ARK2C: variants seen among roughly 807,000 people sequenced by gnomAD.
ARK2C encodes the protein E3 ubiquitin-protein ligase ARK2C.
At chr18:46,404,738 G>A in the ARK2C span, among the ~76,000 whole-genome samples, 1 of 151,854 alleles carries the variant, frequency 6.6e-6, no homozygotes, top group Non-Finnish European at 1.5e-5. Context: ...GGGGCACAGA[G>A]CGAGACTCCA....
the ARK2C span, chr18:46,456,552 G>C: frequency 5.0e-6 from 8 of 1,614,054 alleles, 1 homozygote; most frequent in South Asian, 5.5e-5. Flanking sequence ...TTCACCAACT[G>C]TGCGTGGACC....
chr18:46,412,230 A>T, the ARK2C span, among the ~76,000 whole-genome samples: 36 of 152,318 alleles, frequency 2.4e-4, no homozygotes, highest in African/African-American at 6.3e-4. Context: ...TGCCATGATC[A>T]TATGTCCCAG....
the ARK2C span, among the ~76,000 whole-genome samples, chr18:46,380,716 C>T: frequency 6.6e-6 from 1 of 152,188 alleles, no homozygotes; most frequent in Admixed American, 6.5e-5. Flanking sequence ...GAGCCTCGAA[C>T]CCAGCCTGTG....
At chr18:46,381,157 C>T in the ARK2C span, among the ~76,000 whole-genome samples, 3 of 152,334 alleles carry the variant, frequency 2.0e-5, no homozygotes, top group East Asian at 1.9e-4. Flanking sequence ...TGTTCTGAAG[C>T]GAGGAGGCAT....
At chr18:46,435,434 G>A in the ARK2C span, 3 of 1,496,408 alleles carry the variant, frequency 2.0e-6, no homozygotes, top group African/African-American at 2.7e-5. Flanking sequence ...AAGGGAGGAA[G>A]GGAGGGAGGA....
At chr18:46,348,236 G>T in the ARK2C span, among the ~76,000 whole-genome samples, 1 of 151,280 alleles carries the variant, frequency 6.6e-6, no homozygotes, top group Admixed American at 6.6e-5. Context: ...GGCTGGGGGG[G>T]GTGAGGGGAG....
chr18:46,360,838 G>T, the ARK2C span, among the ~76,000 whole-genome samples: 1 of 152,218 alleles, frequency 6.6e-6, no homozygotes, highest in Non-Finnish European at 1.5e-5. Flanking sequence ...ACACTGTTCA[G>T]CCTTGGGGTG....
the ARK2C span, among the ~76,000 whole-genome samples, chr18:46,375,994 T>A: frequency 1.3e-5 from 2 of 152,188 alleles, no homozygotes; most frequent in African/African-American, 4.8e-5. Flanking sequence ...TGGATGATAA[T>A]AGCTCAGAGG....
At chr18:46,432,885 C>T in the ARK2C span, among the ~76,000 whole-genome samples, 158 of 152,294 alleles carry the variant, frequency 1.0e-3, 1 homozygote, top group South Asian at 2.1e-3. Flanking sequence ...GCGGAGCTTG[C>T]AGTGAGCCGA....
chr18:46,351,437 C>A, the ARK2C span, among the ~76,000 whole-genome samples: 1 of 152,096 alleles, frequency 6.6e-6, no homozygotes, highest in Non-Finnish European at 1.5e-5. Flanking sequence ...AAATAATAGA[C>A]CTGGAGCAAA....
At chr18:46,433,474 G>A in the ARK2C span, 1 of 1,611,748 alleles carries the variant, frequency 6.2e-7, no homozygotes, top group African/African-American at 1.3e-5. Context: ...GCTCCTGGAA[G>A]CCCAGCACCG....
the ARK2C span, among the ~76,000 whole-genome samples, chr18:46,406,503 T>C: frequency 1.3e-5 from 2 of 152,204 alleles, no homozygotes; most frequent in Admixed American, 6.5e-5. Flanking sequence ...AGGTGGGAAC[T>C]GGGAGAGTTT....
chr18:46,370,887 A>G, the ARK2C span, among the ~76,000 whole-genome samples: 12 of 152,186 alleles, frequency 7.9e-5, no homozygotes, highest in African/African-American at 2.4e-4. Flanking sequence ...GGAATCAGGT[A>G]CACGAAAAGG....
chr18:46,426,067 G>A, the ARK2C span, among the ~76,000 whole-genome samples: 1 of 152,098 alleles, frequency 6.6e-6, no homozygotes, highest in Admixed American at 6.5e-5. Context: ...ACCTCCCAAA[G>A]GCCCTGCCTC....
the ARK2C span, among the ~76,000 whole-genome samples, chr18:46,399,329 C>A: frequency 6.6e-6 from 1 of 152,168 alleles, no homozygotes; most frequent in Non-Finnish European, 1.5e-5. Flanking sequence ...ATGGGGATCA[C>A]GCGGGCATCA....
At chr18:46,334,626 C>G in the ARK2C span, 4 of 477,136 alleles carry the variant, frequency 8.4e-6, no homozygotes, top group Non-Finnish European at 1.5e-5. This position sits in a 1 kb window ranked among gnomAD's most constrained non-coding sequence, Gnocchi z 4.4. Context: ...AGCCCCTTCC[C>G]CTAATACCTA....
chr18:46,349,874 C>T, the ARK2C span, among the ~76,000 whole-genome samples: 2 of 152,252 alleles, frequency 1.3e-5, no homozygotes, highest in Non-Finnish European at 2.9e-5. Flanking sequence ...CACCCTGACA[C>T]ATGCCCATCC....
chr18:46,347,021 G>A, the ARK2C span, among the ~76,000 whole-genome samples: 1 of 152,234 alleles, frequency 6.6e-6, no homozygotes, highest in Non-Finnish European at 1.5e-5. Context: ...ATGCTGGCCA[G>A]AAAGTGTGGC....
At chr18:46,448,412 G>C in the ARK2C span, among the ~76,000 whole-genome samples, 330 of 152,336 alleles carry the variant, frequency 2.2e-3, 1 homozygote, top group African/African-American at 7.2e-3. Context: ...CTGCTGAGGG[G>C]AGTAGGAGTG....
Sources: gnomAD v4.1 joint callset for allele counts (sites outside exome capture counted in the v4.1 genomes callset) on GRCh38, gnomAD v4.1.1 for gene constraint, Gnocchi (gnomAD v3.1) non-coding constraint, MANE v1.5 for transcripts, NCBI Gene and HGNC (gene_info 2026-07-23, HGNC 2026-07-21) for gene names.